The following CD109 variants were observed in gnomAD, a reference collection of about 807,000 sequenced individuals.
CD109 encodes the protein CD109 antigen.
CD109 carries 149 observed loss-of-function variants against 165.8 expected under a neutral mutation model. That is an observed-to-expected ratio of 0.90 (90% CI 0.79 to 1.03). The LOEUF is 1.03. CD109 is among the 50% of genes least tolerant of loss of function. CD109 has a pLI of 0.00. For missense variants in CD109, 1,712 were observed against 1,677.8 expected, an observed-to-expected ratio of 1.02 and a Z score of -0.36; for synonymous variants, 585 against 592.1, an observed-to-expected ratio of 0.99 and a Z score of 0.18.
At chr6:73,773,262 A>G (rs763653525) in intron 15 of CD109, among the ~76,000 whole-genome samples, 2 of 151,116 alleles carry the variant, frequency 1.3e-5, no homozygotes, top group African/African-American at 4.8e-5. Flanking sequence ...TTTTTCAGAT[A>G]TTAAGATTGC....
intron 5 of CD109, among the ~76,000 whole-genome samples, chr6:73,745,760 G>T (rs756749571): frequency 5.3e-5 from 8 of 152,130 alleles, no homozygotes; most frequent in Non-Finnish European, 1.0e-4. Flanking sequence ...ACAGAGTCTC[G>T]CTGTGTCACC....
intron 15 of CD109, among the ~76,000 whole-genome samples, chr6:73,778,159 T>G (rs574997989): frequency 1.3e-5 from 2 of 152,312 alleles, no homozygotes; most frequent in East Asian, 3.9e-4. Context: ...TATTTTATCT[T>G]TCTGTGGCAG....
At chr6:73,797,519 A>G (rs1384584121) in intron 23 of CD109, among the ~76,000 whole-genome samples, 2 of 152,184 alleles carry the variant, frequency 1.3e-5, no homozygotes, top group Non-Finnish European at 1.5e-5. Flanking sequence ...CTCACTTTCC[A>G]TTTCATGTCA....
At chr6:73,787,509 A>C in intron 21 of CD109, 57 bp downstream of exon 21, 1 of 1,417,320 alleles carries the variant, frequency 7.1e-7, no homozygotes, top group Non-Finnish European at 9.7e-7. Flanking sequence ...AAAAGGAAGC[A>C]GAAGGTTTTT....
At position 73,826,599 on chromosome 6, in the gene CD109, G is replaced by A. The variant is rs1439156722; in HGVS notation, c.*2966G>A. The A allele has an allele frequency of 6.6e-6, 1 of 152,158 alleles. No individual in the cohort carries two copies. The highest frequency in any genetic ancestry group is 1.9e-4 in the East Asian group (1 of 5,198). The allele number at this position is 152,158 out of a possible 1,614,324, so 9.4% of individuals were successfully genotyped here. ...GCCCATTAAAATATGTCTGGTCAAT[G>A]AAATGCTTCCTTTTATTGTGTTGTG... On this transcript the variant is annotated 3_prime_UTR_variant, in exon 33 of 33. Transcript: ENST00000287097.
intron 22 of CD109, among the ~76,000 whole-genome samples, chr6:73,791,191 A>ATATATATATATATATACC (rs1774944199): frequency 8.9e-5 from 1 of 11,284 alleles, no homozygotes; most frequent in Non-Finnish European, 1.8e-4. Flanking sequence ...ACACACACAT[A>ATATATATATATATATACC]CATATATATA....
chr6:73,754,111 G>A (rs1773295425), intron 5 of CD109, among the ~76,000 whole-genome samples: 1 of 152,204 alleles, frequency 6.6e-6, no homozygotes, highest in South Asian at 2.1e-4. Context: ...ATCAAGAAAA[G>A]CTATTTGAAA....
upstream of CD109, chr6:73,694,396 C>T (rs986253498): frequency 3.9e-5 from 6 of 152,126 alleles, no homozygotes; most frequent in African/African-American, 1.2e-4. Context: ...AGGAAGGTGG[C>T]ATCACTTTAA....
intron 5 of CD109, among the ~76,000 whole-genome samples, chr6:73,744,404 A>C (rs1347575598): frequency 6.6e-6 from 1 of 152,158 alleles, no homozygotes; most frequent in Non-Finnish European, 1.5e-5. Flanking sequence ...TCATCTTGCA[A>C]CTTAGTAGAA....
intron 5 of CD109, among the ~76,000 whole-genome samples, chr6:73,738,611 T>C (rs987809704): frequency 6.6e-6 from 1 of 152,244 alleles, no homozygotes; most frequent in Admixed American, 6.5e-5. Flanking sequence ...TTGTGGTTTG[T>C]GGACTTGGCT....
At chr6:73,762,547 T>C (rs1303613167) in intron 8 of CD109, 67 bp downstream of exon 8, 10 of 1,155,544 alleles carry the variant, frequency 8.7e-6, no homozygotes, top group Non-Finnish European at 1.3e-5. Context: ...GAAATAAGAT[T>C]TAGTACTGAA....
At chr6:73,775,870 A>C (rs2150242013) in intron 15 of CD109, among the ~76,000 whole-genome samples, 1 of 152,294 alleles carries the variant, frequency 6.6e-6, no homozygotes. Flanking sequence ...ATGGCTGCCT[A>C]GTATTCCATG....
At chr6:73,734,100 T>C (rs1772464839) in intron 4 of CD109, among the ~76,000 whole-genome samples, 1 of 152,252 alleles carries the variant, frequency 6.6e-6, no homozygotes, top group Non-Finnish European at 1.5e-5. Context: ...GACATCACCA[T>C]GCTTGGCTGG....
intron 3 of CD109, 107 bp downstream of exon 3, chr6:73,723,386 A>G (rs1772031020): frequency 7.7e-6 from 7 of 906,662 alleles, no homozygotes; most frequent in Non-Finnish European, 1.2e-5. Context: ...TTCACGTTTC[A>G]TGTAAGTTTG....
chr6:73,729,527 A>G (rs181313510), intron 3 of CD109, among the ~76,000 whole-genome samples: 3 of 141,426 alleles, frequency 2.1e-5, no homozygotes, highest in Non-Finnish European at 4.5e-5. Context: ...TATTATTATT[A>G]TTATTATTTT....
chr6:73,771,670 T>A, intron 15 of CD109, 89 bp downstream of exon 15: 1 of 850,424 alleles, frequency 1.2e-6, no homozygotes, highest in Non-Finnish European at 1.7e-6. Flanking sequence ...TTAAAGAAAA[T>A]TTCATTAGTT....
chr6:73,768,442 A>G (rs181534405), intron 14 of CD109, among the ~76,000 whole-genome samples: 1 of 152,306 alleles, frequency 6.6e-6, no homozygotes, highest in East Asian at 1.9e-4. Context: ...CTATTTGTAA[A>G]CTATGGTTCT....
chr6:73,740,037 T>TA (rs146359730), intron 5 of CD109, among the ~76,000 whole-genome samples: 3 of 152,020 alleles, frequency 2.0e-5, no homozygotes, highest in Non-Finnish European at 2.9e-5. Flanking sequence ...CCTGCCTAGT[T>TA]AAAAAATTTT....
chr6:73,776,262 TA>T (rs1215264660), intron 15 of CD109, among the ~76,000 whole-genome samples: 4 of 152,170 alleles, frequency 2.6e-5, no homozygotes, highest in African/African-American at 7.2e-5. Context: ...TATTTTATTT[TA>T]TTTTTTTGAG....
Sources: allele counts gnomAD v4.1 joint callset (sites outside exome capture counted in the v4.1 genomes callset), GRCh38; gene constraint gnomAD v4.1.1; transcripts MANE v1.5; gene names NCBI Gene and HGNC (gene_info 2026-07-23, HGNC 2026-07-21).